The following TMEM108 variants were observed in gnomAD, a reference collection of about 807,000 sequenced individuals.
TMEM108 encodes the protein cancer/testis antigen 124.
TMEM108 carries 12 observed loss-of-function variants against 35.1 expected under a neutral mutation model. The observed-to-expected ratio is 0.34, with a 90% confidence interval of 0.22 to 0.55. TMEM108 has a LOEUF of 0.55. TMEM108 is among the 20% of genes least tolerant of loss of function. The pLI is 0.89. For synonymous variants in TMEM108, 287 were observed against 308.6 expected (o/e 0.93, Z 0.73); for missense variants, 680 against 753.3 (o/e 0.90, Z 1.14).
chr3:133,283,118 T>G (rs1195817534), intron 3 of TMEM108, among the ~76,000 whole-genome samples: 1 of 152,196 alleles, frequency 6.6e-6, no homozygotes, highest in East Asian at 1.9e-4. Flanking sequence ...TTACTTAGAT[T>G]TTAAATGTTA....
chr3:133,300,566 C>A (rs937286415), intron 3 of TMEM108, among the ~76,000 whole-genome samples: 12 of 152,076 alleles, frequency 7.9e-5, no homozygotes, highest in African/African-American at 2.9e-4. Context: ...TGCAGTGCCA[C>A]ATGGGGAAGC....
At chr3:133,394,299 C>T (rs1220378647) in intron 5 of TMEM108, among the ~76,000 whole-genome samples, 4 of 152,234 alleles carry the variant, frequency 2.6e-5, no homozygotes, top group African/African-American at 9.6e-5. Context: ...CCTCAGTTGC[C>T]CTGCCCCCAC....
intron 3 of TMEM108, among the ~76,000 whole-genome samples, chr3:133,321,388 A>C (rs1004504398): frequency 3.5e-4 from 54 of 152,202 alleles, no homozygotes; most frequent in African/African-American, 1.2e-3. Context: ...GACAAAACAA[A>C]CTTTGAAGCA....
At chr3:133,199,272 C>T (rs1402353013) in intron 2 of TMEM108, among the ~76,000 whole-genome samples, 1 of 152,212 alleles carries the variant, frequency 6.6e-6, no homozygotes, top group Non-Finnish European at 1.5e-5. Context: ...CATCTGAAGC[C>T]TTCTTCTCTC....
chr3:133,261,008 TA>T (rs923962191), intron 3 of TMEM108, among the ~76,000 whole-genome samples: 12 of 152,320 alleles, frequency 7.9e-5, no homozygotes, highest in African/African-American at 1.9e-4. Context: ...TTGCTCATTA[TA>T]AAGAAAGAGA....
chr3:133,163,977 A>G (rs2107782112), intron 2 of TMEM108, among the ~76,000 whole-genome samples: 1 of 152,230 alleles, frequency 6.6e-6, no homozygotes, highest in African/African-American at 2.4e-5. Flanking sequence ...CAATATTCCG[A>G]GCTAGGATCT....
intron 3 of TMEM108, among the ~76,000 whole-genome samples, chr3:133,252,934 C>G (rs1946492264): frequency 6.6e-6 from 1 of 152,170 alleles, no homozygotes; most frequent in Admixed American, 6.5e-5. Flanking sequence ...CTTGAGCATT[C>G]ATAAATTTTG....
intron 2 of TMEM108, among the ~76,000 whole-genome samples, chr3:133,195,283 TTAAG>T (rs1398565071): frequency 6.6e-6 from 1 of 152,164 alleles, no homozygotes; most frequent in Non-Finnish European, 1.5e-5. Context: ...CCCACAAAAT[TTAAG>T]TAATGTATAA....
chr3:133,063,452 A>G (rs1943558533), intron 2 of TMEM108, among the ~76,000 whole-genome samples: 1 of 152,150 alleles, frequency 6.6e-6, no homozygotes, highest in African/African-American at 2.4e-5. Flanking sequence ...GTGGGGAGAA[A>G]ATAGTCACCA....
At position 133,146,084 on chromosome 3, in the gene TMEM108, A is replaced by G. The variant is rs1330747182; in HGVS notation, c.-46-83182A>G. Among the ~76,000 whole-genome samples the G allele has an allele frequency of 2.6e-5, 4 of 152,214 alleles. No homozygotes were observed. The East Asian group carries it at 5.8e-4, about 22-fold the overall frequency. The stretch of plus-strand genomic sequence containing the variant: ...TGCTTCCAACTTTGGCCCATTCAGT[A>G]TGATACTGGCTGTGGGTTTGTCATA... On this transcript the variant is annotated intron_variant, in intron 2 of 5. Coordinates refer to ENST00000321871, the MANE Select transcript of TMEM108 (RefSeq NM_023943.4).
chr3:133,112,143 G>T (rs959879744), intron 2 of TMEM108, among the ~76,000 whole-genome samples: 2 of 152,094 alleles, frequency 1.3e-5, no homozygotes, highest in African/African-American at 4.8e-5. Flanking sequence ...TCTTGCTGAA[G>T]GCTGTAATGA....
chr3:133,264,532 C>T (rs769508687), intron 3 of TMEM108, among the ~76,000 whole-genome samples: 6 of 152,096 alleles, frequency 3.9e-5, no homozygotes, highest in African/African-American at 9.7e-5. Context: ...GATGTAACAC[C>T]GTTTTGTAGC....
intron 3 of TMEM108, among the ~76,000 whole-genome samples, chr3:133,243,312 G>A (rs1458508507): frequency 6.6e-6 from 1 of 152,138 alleles, no homozygotes. Context: ...AATCCCTGAA[G>A]GAGGAAAAGG....
intron 2 of TMEM108, among the ~76,000 whole-genome samples, chr3:133,071,504 A>G (rs760111405): frequency 6.6e-5 from 10 of 152,216 alleles, no homozygotes; most frequent in Non-Finnish European, 1.3e-4. Flanking sequence ...GGTTAGGACT[A>G]CAACATGTAA....
At chr3:133,139,598 C>G (rs1364195857) in intron 2 of TMEM108, among the ~76,000 whole-genome samples, 8 of 152,188 alleles carry the variant, frequency 5.3e-5, no homozygotes, top group African/African-American at 1.9e-4. Flanking sequence ...AGAGCCCTGT[C>G]TGGTCTTTCC....
At chr3:133,133,824 C>T (rs533186889) in intron 2 of TMEM108, among the ~76,000 whole-genome samples, 12 of 150,732 alleles carry the variant, frequency 8.0e-5, no homozygotes, top group African/African-American at 2.4e-4. Context: ...AGTGCAGTGG[C>T]GCGATCTCGG....
At chr3:133,080,951 G>T (rs1045104037) in intron 2 of TMEM108, among the ~76,000 whole-genome samples, 3 of 152,200 alleles carry the variant, frequency 2.0e-5, no homozygotes, top group Admixed American at 1.3e-4. Context: ...CTGGGTGGCA[G>T]AGTCGTTTGA....
chr3:133,182,122 G>T (rs1030548807), intron 2 of TMEM108, among the ~76,000 whole-genome samples: 9 of 152,148 alleles, frequency 5.9e-5, no homozygotes, highest in Admixed American at 4.6e-4. Context: ...TTATCTGTCA[G>T]ATGTGTCAAG....
intron 3 of TMEM108, among the ~76,000 whole-genome samples, chr3:133,362,427 G>A (rs2072379876): frequency 6.6e-6 from 1 of 152,142 alleles, no homozygotes; most frequent in Non-Finnish European, 1.5e-5. Context: ...TGTGGCCAGA[G>A]CTACCAAATC....
Sources: allele counts gnomAD v4.1 joint callset (sites outside exome capture counted in the v4.1 genomes callset), GRCh38; gene constraint gnomAD v4.1.1; transcripts MANE v1.5; gene names NCBI Gene and HGNC (gene_info 2026-07-23, HGNC 2026-07-21).